ST3GAL3: variants seen among roughly 807,000 people sequenced by gnomAD.
The protein encoded by ST3GAL3 is CMP-N-acetylneuraminate-beta-1,4-galactoside alpha-2,3-sialyltransferase.
ST3GAL3 carries 21 observed loss-of-function variants against 50.1 expected under a neutral mutation model. The observed-to-expected ratio is 0.42, with a 90% CI of 0.30 to 0.60. ST3GAL3 has a LOEUF of 0.60. Among genes scored for constraint, ST3GAL3 ranks in the 20% least tolerant of loss-of-function variants. The pLI, the probability that ST3GAL3 is intolerant of heterozygous loss-of-function variation, is 0.19. For missense variants in ST3GAL3, 353 were observed against 489.4 expected (o/e 0.72, Z 2.63); for synonymous variants, 183 against 190.0 (o/e 0.96, Z 0.30).
chr1:43,831,193 A>G (rs1333358435), intron 4 of ST3GAL3, among the ~76,000 whole-genome samples: 1 of 152,222 alleles, frequency 6.6e-6, no homozygotes, highest in Non-Finnish European at 1.5e-5. Context: ...TACATCATAG[A>G]AAGTAGGGGC....
intron 5 of ST3GAL3, among the ~76,000 whole-genome samples, chr1:43,857,807 G>C (rs1341676063): frequency 6.6e-6 from 1 of 151,944 alleles, no homozygotes; most frequent in Non-Finnish European, 1.5e-5. Flanking sequence ...GTAGAAGCGG[G>C]GTTTCACCAT....
At chr1:43,868,078 A>G (rs1286190542) in intron 5 of ST3GAL3, among the ~76,000 whole-genome samples, 1 of 152,232 alleles carries the variant, frequency 6.6e-6, no homozygotes, top group Non-Finnish European at 1.5e-5. Flanking sequence ...ATGCTGTTGC[A>G]ACATGTTTAT....
intron 3 of ST3GAL3, among the ~76,000 whole-genome samples, chr1:43,795,723 A>T (rs1409216727): frequency 6.6e-6 from 1 of 152,210 alleles, no homozygotes; most frequent in Non-Finnish European, 1.5e-5. Context: ...TCCAGATAAG[A>T]CAGAGTGAGC....
At chr1:43,859,909 G>A (rs2069484529) in intron 5 of ST3GAL3, among the ~76,000 whole-genome samples, 1 of 152,170 alleles carries the variant, frequency 6.6e-6, no homozygotes, top group Non-Finnish European at 1.5e-5. Flanking sequence ...TGTACCTCAA[G>A]ACCAGCAAGA....
chr1:43,930,532 T>G lies in ST3GAL3; in HGVS notation c.*311T>G. 2.0e-6 allele frequency: 1 copy of G among 496,830 alleles called. No individual in the cohort carries two copies. The highest frequency in any genetic ancestry group is 3.7e-6 in the Non-Finnish European group (1 of 271,624). The allele number at this position is 496,830 out of a possible 1,614,324, so 30.8% of individuals were successfully genotyped here. ...CCGGAATCACTTCTCCAATCAGTGT[T>G]TGGTGTATTATCATTTTGTGAATTT... On this transcript the variant is annotated 3_prime_UTR_variant, in exon 12 of 12. Coordinates refer to ENST00000347631, the MANE Select transcript of ST3GAL3 (RefSeq NM_006279.5).
intron 2 of ST3GAL3, among the ~76,000 whole-genome samples, chr1:43,775,919 G>C (rs1317880367): frequency 6.6e-6 from 1 of 152,124 alleles, no homozygotes; most frequent in Non-Finnish European, 1.5e-5. Flanking sequence ...GGCAGGTGAA[G>C]GAGATTTGTC....
intron 4 of ST3GAL3, among the ~76,000 whole-genome samples, chr1:43,816,771 T>A (rs1010549473): frequency 6.6e-6 from 1 of 152,164 alleles, no homozygotes; most frequent in African/African-American, 2.4e-5. Context: ...ACTATGTGAG[T>A]TAACTTGGTC....
intron 9 of ST3GAL3, among the ~76,000 whole-genome samples, chr1:43,903,360 T>C (rs2078614101): frequency 6.6e-6 from 1 of 152,158 alleles, no homozygotes; most frequent in South Asian, 2.1e-4. Context: ...CCCTGCCCTC[T>C]TGCCTCTGCC....
intron 2 of ST3GAL3, among the ~76,000 whole-genome samples, chr1:43,743,117 GA>G (rs1310582555): frequency 6.7e-6 from 1 of 149,042 alleles, no homozygotes. Flanking sequence ...AATTGGGCAG[GA>G]AAAAAAATAA....
intron 4 of ST3GAL3, among the ~76,000 whole-genome samples, chr1:43,818,603 T>C (rs2061700360): frequency 6.6e-6 from 1 of 152,210 alleles, no homozygotes; most frequent in Admixed American, 6.5e-5. Flanking sequence ...ATGAGAACCA[T>C]GTAAAACAAC....
At chr1:43,786,877 A>G (rs1164280290) in intron 2 of ST3GAL3, among the ~76,000 whole-genome samples, 1 of 152,152 alleles carries the variant, frequency 6.6e-6, no homozygotes, top group Non-Finnish European at 1.5e-5. Context: ...GTTGTGAGCT[A>G]CTTGAGGGAA....
At chr1:43,814,520 T>C (rs1229315479) in intron 3 of ST3GAL3, among the ~76,000 whole-genome samples, 1 of 152,212 alleles carries the variant, frequency 6.6e-6, no homozygotes, top group Non-Finnish European at 1.5e-5. Flanking sequence ...ATTCAGCAAA[T>C]GCTGTGTTTA....
chr1:43,825,579 GT>G (rs1460531700), intron 4 of ST3GAL3, among the ~76,000 whole-genome samples: 1 of 152,234 alleles, frequency 6.6e-6, no homozygotes, highest in Non-Finnish European at 1.5e-5. Context: ...AGACCTGAGG[GT>G]GGAACTTGAG....
intron 5 of ST3GAL3, among the ~76,000 whole-genome samples, chr1:43,869,303 C>T (rs1047780170): frequency 1.1e-4 from 17 of 152,158 alleles, no homozygotes; most frequent in African/African-American, 3.9e-4. Context: ...CCACGTAGGA[C>T]GAGTCTAATC....
chr1:43,916,381 A>G (rs974474531), intron 9 of ST3GAL3, among the ~76,000 whole-genome samples: 1 of 152,164 alleles, frequency 6.6e-6, no homozygotes, highest in African/African-American at 2.4e-5. Context: ...ATAGACTCGA[A>G]CTTGATGACC....
intron 9 of ST3GAL3, 150 bp from the exon 10 acceptor site, chr1:43,920,248 CCAAACA>C (rs1344469390): frequency 4.1e-5 from 34 of 829,382 alleles, no homozygotes; most frequent in South Asian, 3.4e-4. Context: ...CTCCATTTCC[CCAAACA>C]CAGATGGGCT....
At chr1:43,749,054 A>G (rs956361990) in intron 2 of ST3GAL3, among the ~76,000 whole-genome samples, 1 of 152,202 alleles carries the variant, frequency 6.6e-6, no homozygotes, top group Non-Finnish European at 1.5e-5. Context: ...TAGACCATGC[A>G]TATGTAGTCA....
intron 2 of ST3GAL3, chr1:43,772,491 G>A (rs1206125625): frequency 6.5e-6 from 1 of 153,466 alleles, no homozygotes; most frequent in Non-Finnish European, 1.5e-5. Flanking sequence ...TACACGCTTG[G>A]TGCCCTTTCC....
chr1:43,746,370 A>C (rs545783361), intron 2 of ST3GAL3, among the ~76,000 whole-genome samples: 24 of 152,324 alleles, frequency 1.6e-4, no homozygotes, highest in African/African-American at 5.8e-4. Flanking sequence ...TCAGTTTATA[A>C]GATGAAAAGA....
Sources: gnomAD v4.1 joint callset for allele counts (sites outside exome capture counted in the v4.1 genomes callset) on GRCh38, gnomAD v4.1.1 for gene constraint, MANE v1.5 for transcripts, NCBI Gene and HGNC (gene_info 2026-07-23, HGNC 2026-07-21) for gene names.